The following VAX2 variants were observed in gnomAD, a reference collection of about 807,000 sequenced individuals.
The protein encoded by VAX2 is ventral anterior homeobox 2.
VAX2 carries 8 observed loss-of-function variants against 12.5 expected under a neutral mutation model. The ratio of observed to expected loss-of-function variants is 0.64; its 90% CI spans 0.37 to 1.15. VAX2 has a LOEUF of 1.15. Among genes scored for constraint, VAX2 ranks in the 50% most tolerant of loss-of-function variants. The pLI is 0.01. For missense variants in VAX2, 476 were observed against 412.9 expected (o/e 1.15, Z -1.32); for synonymous variants, 183 against 187.6 (o/e 0.98, Z 0.20).
In VAX2 at chr2:70,900,668, C is replaced by A. The variant is rs1427372555; in HGVS notation, c.47C>A (p.Ala16Glu). ...CGCGACCGGGGCCCCGCGCGCCGGG[C>A]GGAGTCTGGTGGCGGCGGTGGGCGC... ...AERDRGPARRAESGGGGGRCG... is the reference protein window; with the variant it reads ...AERDRGPARREESGGGGGRCG... Residue 16 changes from alanine (A) to glutamate (E), a missense_variant, in exon 1 of 3, where the codon GCG becomes GAG. Coordinates refer to ENST00000234392, the MANE Select transcript of VAX2 (RefSeq NM_012476.3). 4 of 1,284,850 alleles carry A rather than the reference C, an allele frequency of 3.1e-6. No individual in the cohort carries two copies. The highest frequency in any genetic ancestry group is 3.9e-6 in the Non-Finnish European group (4 of 1,015,462). 79.6% of individuals were successfully genotyped at this position (1,284,850 alleles called of 1,614,324 possible).
chr2:70,908,821 C>G (rs1553410881), intron 1 of VAX2, among the ~76,000 whole-genome samples: 1 of 152,222 alleles, frequency 6.6e-6, no homozygotes, highest in African/African-American at 2.4e-5. Context: ...TTTGCCAGCA[C>G]AGTTCACATT....
At chr2:70,906,519 C>CTTTTTTTTT (rs1558653474) in intron 1 of VAX2, among the ~76,000 whole-genome samples, 1 of 67,544 alleles carries the variant, frequency 1.5e-5, no homozygotes. Context: ...CTTTTCTTTT[C>CTTTTTTTTT]CTTTTTTTTT....
At position 70,933,244 on chromosome 2, in the gene VAX2, T is replaced by TGAG; in HGVS notation, c.*40_*41insGAG. 2 of 1,470,298 alleles carry TGAG rather than the reference T, an allele frequency of 1.4e-6. No homozygotes were observed. The highest frequency in any genetic ancestry group is 1.8e-6 in the Non-Finnish European group (2 of 1,108,952). 91.1% of individuals were successfully genotyped at this position (1,470,298 alleles called of 1,614,324 possible). A position where few individuals can be genotyped will look rare whatever the true frequency, so the allele number is the denominator to read the frequency against. On this transcript the variant is annotated 3_prime_UTR_variant, in exon 3 of 3. Transcript: ENST00000234392. ...GACACTGAGTCCCGAGCACAGCACC[T>TGAG]TCCCAGTCTCCTGTGCCCCAGCGGA...
chr2:70,922,446 T>C (rs1321334566), intron 2 of VAX2, among the ~76,000 whole-genome samples: 2 of 152,250 alleles, frequency 1.3e-5, no homozygotes, highest in Middle Eastern at 3.4e-3. Flanking sequence ...CAGCTCTCCC[T>C]GTTTCCCTCA....
At chr2:70,922,648 G>A (rs1025242067) in intron 2 of VAX2, among the ~76,000 whole-genome samples, 3 of 151,360 alleles carry the variant, frequency 2.0e-5, no homozygotes, top group African/African-American at 2.4e-5. Context: ...GGGGCAGGCC[G>A]GGAGGAGGGG....
chr2:70,904,828 A>G lies in VAX2; in HGVS notation c.247+3960A>G, dbSNP rs1331192528. Among the ~76,000 whole-genome samples the G allele has an allele frequency of 1.3e-5, 2 of 152,238 alleles. No individual in the cohort carries two copies. Among genetic ancestry groups the G allele is most frequent in the African/African-American group, 4.8e-5 (2 of 41,464 alleles). On this transcript the variant is annotated intron_variant, in intron 1 of 2. Transcript: ENST00000234392. This position sits in a 1 kb window ranked among gnomAD's most constrained non-coding sequence, Gnocchi z 4.2. ...CCGTGGGACGGGTGGGATTGACCTT[A>G]GTGGAGTCCAGTCCTTCGGAGAATC...
At chr2:70,901,483 T>C (rs2104752896) in intron 1 of VAX2, among the ~76,000 whole-genome samples, 1 of 152,358 alleles carries the variant, frequency 6.6e-6, no homozygotes, top group Non-Finnish European at 1.5e-5. Context: ...CAGCCGGCTC[T>C]CGGCGCCGCC....
chr2:70,908,982 A>G (rs1679125289), intron 1 of VAX2, among the ~76,000 whole-genome samples: 1 of 152,104 alleles, frequency 6.6e-6, no homozygotes, highest in Admixed American at 6.5e-5. Context: ...TCTTCTATCT[A>G]TTGATTCATT....
chr2:70,919,096 GGAGGC>G (rs1679382287), intron 1 of VAX2, among the ~76,000 whole-genome samples: 1 of 7,996 alleles, frequency 1.3e-4, no homozygotes. Context: ...CAGTTACTCG[GGAGGC>G]TGAGGCAGGA....
At chr2:70,927,380 G>T (rs1415069188) in intron 2 of VAX2, among the ~76,000 whole-genome samples, 1 of 151,718 alleles carries the variant, frequency 6.6e-6, no homozygotes, top group Non-Finnish European at 1.5e-5. Context: ...TGCCCACCTA[G>T]CTTGGGTAAG....
chr2:70,914,487 T>C (rs185234238), intron 1 of VAX2, among the ~76,000 whole-genome samples: 357 of 152,290 alleles, frequency 2.3e-3, no homozygotes, highest in African/African-American at 8.1e-3. Context: ...AAAAGTTATG[T>C]GCATCTTTAA....
chr2:70,904,192 C>G lies in VAX2; in HGVS notation c.247+3324C>G, dbSNP rs1253475667. ...TGCACAGTCCCTAGACCAGTGAGGG[C>G]GGGGACGGGGAAATCCTTTTGTTTT... On this transcript the variant is annotated intron_variant, in intron 1 of 2. Transcript: ENST00000234392. This position sits in a 1 kb window ranked among gnomAD's most constrained non-coding sequence, Gnocchi z 4.2. 6.6e-6 allele frequency among the ~76,000 whole-genome samples: 1 copy of G among 152,196 alleles called. No individual in the cohort carries two copies. The highest frequency in any genetic ancestry group is 1.5e-5 in the Non-Finnish European group (1 of 68,022).
chr2:70,907,174 A>G (rs1553410696), intron 1 of VAX2, among the ~76,000 whole-genome samples: 2 of 152,262 alleles, frequency 1.3e-5, no homozygotes, highest in Non-Finnish European at 2.9e-5. Context: ...TTAAAGCATG[A>G]AGTTGACAAC....
At chr2:70,925,813 T>C (rs1395541470) in intron 2 of VAX2, among the ~76,000 whole-genome samples, 4 of 152,228 alleles carry the variant, frequency 2.6e-5, no homozygotes, top group Non-Finnish European at 4.4e-5. Context: ...CAGCACCAGC[T>C]ACTCACAGAA....
intron 1 of VAX2, among the ~76,000 whole-genome samples, chr2:70,905,101 T>C (rs1679021514): frequency 6.6e-6 from 1 of 151,860 alleles, no homozygotes; most frequent in Admixed American, 6.6e-5. Flanking sequence ...CAACAGCCAC[T>C]GGGCTTGGGG....
chr2:70,931,698 C>T (rs537909821), intron 2 of VAX2, among the ~76,000 whole-genome samples: 66 of 152,380 alleles, frequency 4.3e-4, no homozygotes, highest in Admixed American at 9.8e-4. Context: ...GAGCCACATC[C>T]GGCACCTGCC....
intron 1 of VAX2, among the ~76,000 whole-genome samples, chr2:70,919,205 G>A (rs1225014834): frequency 7.1e-6 from 1 of 141,020 alleles, no homozygotes; most frequent in Non-Finnish European, 1.5e-5. Flanking sequence ...CTGCACTTCA[G>A]CCTAAGCAAC....
intron 2 of VAX2, among the ~76,000 whole-genome samples, chr2:70,923,445 G>A (rs897303440): frequency 6.6e-6 from 1 of 152,194 alleles, no homozygotes; most frequent in East Asian, 1.9e-4. Context: ...GCATCACTGA[G>A]TATATTCAAC....
At chr2:70,917,507 G>C (rs1553412176) in intron 1 of VAX2, among the ~76,000 whole-genome samples, 1 of 152,088 alleles carries the variant, frequency 6.6e-6, no homozygotes, top group African/African-American at 2.4e-5. Flanking sequence ...CAGCTTCCCT[G>C]CATCCTCACC....
Sources: allele counts gnomAD v4.1 joint callset (sites outside exome capture counted in the v4.1 genomes callset), GRCh38; gene constraint gnomAD v4.1.1; non-coding constraint Gnocchi (gnomAD v3.1); transcripts MANE v1.5; gene names NCBI Gene and HGNC (gene_info 2026-07-23, HGNC 2026-07-21).